The following INO80 variants were observed in gnomAD, a reference collection of about 807,000 sequenced individuals.
The protein encoded by INO80 is chromatin-remodeling ATPase INO80.
Under a neutral mutation model 203.4 loss-of-function variants are expected in INO80, and 20 were observed. The ratio of observed to expected loss-of-function variants is 0.10; its 90% CI spans 0.07 to 0.14. The LOEUF (loss-of-function observed/expected upper bound fraction) is 0.14. Ranked by LOEUF, INO80 falls within the 10% of genes least tolerant of loss-of-function variation. INO80 has a pLI of 1.00. For synonymous variants in INO80, 726 were observed against 685.2 expected (o/e 1.06, Z -0.93); for missense variants, 1,419 against 1,914.4 (o/e 0.74, Z 4.83).
At chr15:41,068,585 CGGT>C (rs973679851) in intron 14 of INO80, among the ~76,000 whole-genome samples, 1 of 150,224 alleles carries the variant, frequency 6.7e-6, no homozygotes, top group Non-Finnish European at 1.5e-5. Context: ...CAGCTGTGTG[CGGT>C]GGCTCATGCC....
chr15:41,035,596 T>G (rs1031238289), intron 24 of INO80, among the ~76,000 whole-genome samples: 1 of 151,100 alleles, frequency 6.6e-6, no homozygotes, highest in South Asian at 2.1e-4. Flanking sequence ...CCGAGGCAGA[T>G]GGATCACGAG....
intron 29 of INO80, among the ~76,000 whole-genome samples, chr15:40,995,441 GA>G (rs1272530888): frequency 1.3e-5 from 2 of 152,178 alleles, no homozygotes; most frequent in Non-Finnish European, 2.9e-5. Context: ...ATAAAATTTG[GA>G]AGGGAAAGTG....
intron 29 of INO80, among the ~76,000 whole-genome samples, chr15:40,994,862 A>ACC (rs2043861286): frequency 6.6e-6 from 1 of 152,158 alleles, no homozygotes; most frequent in Non-Finnish European, 1.5e-5. Flanking sequence ...ATGAATGAAC[A>ACC]AATGAACAAA....
intron 27 of INO80, among the ~76,000 whole-genome samples, chr15:41,010,724 G>A (rs1214687576): frequency 6.6e-6 from 1 of 152,066 alleles, no homozygotes; most frequent in Non-Finnish European, 1.5e-5. Flanking sequence ...AAAAAATAAA[G>A]GCAAATGTTT....
intron 24 of INO80, among the ~76,000 whole-genome samples, chr15:41,031,912 CCACAGCACAGCACAG>C (rs1240339775): frequency 7.8e-6 from 1 of 128,384 alleles, no homozygotes; most frequent in African/African-American, 3.6e-5. Flanking sequence ...ATACTCCTTG[CCACAGCACAGCACAG>C]CACAGCACAG....
intron 1 of INO80, among the ~76,000 whole-genome samples, chr15:41,107,002 A>G (rs2045888950): frequency 6.6e-6 from 1 of 152,174 alleles, no homozygotes; most frequent in Non-Finnish European, 1.5e-5. Flanking sequence ...TAACTTTATC[A>G]ATTAAAGTAT....
chr15:41,061,088 C>T (rs1477230456), intron 14 of INO80, among the ~76,000 whole-genome samples: 1 of 152,264 alleles, frequency 6.6e-6, no homozygotes, highest in East Asian at 1.9e-4. Context: ...TGGCAGATCA[C>T]CTGAGCATGG....
chr15:41,104,724 G>A (rs989496705), intron 1 of INO80, among the ~76,000 whole-genome samples: 2 of 151,868 alleles, frequency 1.3e-5, no homozygotes, highest in African/African-American at 4.8e-5. Flanking sequence ...TATTTTAGTA[G>A]AGACGAGGTT....
At chr15:41,089,485 C>T (rs1251016974) in intron 5 of INO80, among the ~76,000 whole-genome samples, 2 of 152,160 alleles carry the variant, frequency 1.3e-5, no homozygotes, top group South Asian at 2.1e-4. Context: ...GGCGGGGTGG[C>T]TCACCCCTGT....
chr15:40,993,879 G>C (rs1008456247), intron 29 of INO80, among the ~76,000 whole-genome samples: 1 of 152,126 alleles, frequency 6.6e-6, no homozygotes, highest in African/African-American at 2.4e-5. Flanking sequence ...ACTCCTAACT[G>C]ATCTTCCTGT....
Position 41,049,290 on chromosome 15 carries a change from T to C in INO80, c.2573A>G (p.Asp858Gly). ...ACAGATAGTAATACTTCCCTACCTG[T>C]CTCGTGAATGATTGAAGACCCTGAT... ...GQIRVFNHSRDRWLRVLSPFA... is the reference protein window; with the variant it reads ...GQIRVFNHSRGRWLRVLSPFA... Residue 858 changes from aspartate to glycine, a missense_variant, in exon 21 of 36, where the codon GAC (aspartate) becomes GGC (glycine). Transcript: ENST00000648947. The C allele has an allele frequency of 6.2e-7, 1 of 1,611,922 alleles. No homozygotes were observed. Among genetic ancestry groups the C allele is most frequent in the Non-Finnish European group, 8.5e-7 (1 of 1,178,874 alleles).
chr15:41,100,817 T>C (rs2140681499), intron 1 of INO80, among the ~76,000 whole-genome samples: 1 of 151,856 alleles, frequency 6.6e-6, no homozygotes, highest in South Asian at 2.1e-4. Flanking sequence ...ATTACTACCA[T>C]TCACAATTTT....
At chr15:41,113,647 C>G (rs1385793331) in intron 1 of INO80, among the ~76,000 whole-genome samples, 2 of 152,114 alleles carry the variant, frequency 1.3e-5, no homozygotes, top group African/African-American at 2.4e-5. Context: ...GGGTCTCGCT[C>G]TCCACCCAGG....
chr15:41,060,009 A>G, intron 14 of INO80, 83 bp from the exon 15 acceptor site: 1 of 946,232 alleles, frequency 1.1e-6, no homozygotes, highest in Non-Finnish European at 1.6e-6. Flanking sequence ...GGAACAATTT[A>G]AAAAGAAACT....
rs2046031503 is a variant in INO80 at position 41,116,052 on chromosome 15, C to T, written c.-123G>A. 8 of 395,270 alleles carry T rather than the reference C, an allele frequency of 2.0e-5. No homozygotes were observed. The East Asian group carries it at 2.9e-4, about 14-fold the overall frequency. 24.5% of individuals were successfully genotyped at this position (395,270 alleles called of 1,614,324 possible). On this transcript the variant is annotated 5_prime_UTR_variant, in exon 1 of 36. Transcript: ENST00000648947. ...GGCGGGGTCCGGAGGGGGGGGTCGC[C>T]CCGCCGACGGTGGAGCCGCGGTTCG...
Position 41,019,811 on chromosome 15 carries a change from TTAAAA to T in INO80, c.3274+1084_3274+1088del, listed in dbSNP as rs2044262751. 3.9e-5 allele frequency among the ~76,000 whole-genome samples: 6 copies of T among 152,282 alleles called. No homozygotes were observed. The South Asian group carries it at 6.2e-4, about 16-fold the overall frequency. On this transcript the variant is annotated intron_variant, in intron 26 of 35. Coordinates refer to ENST00000648947, the MANE Select transcript of INO80 (RefSeq NM_017553.3). ...GCAAACCCCTTGACACTTGACAAAG[TTAAAA>T]TAAAGTGGAAAAACCAGGCCTTACA...
chr15:41,023,957 C>T (rs748598387), intron 25 of INO80, among the ~76,000 whole-genome samples: 4 of 151,806 alleles, frequency 2.6e-5, no homozygotes, highest in South Asian at 2.1e-4. Context: ...CTCATAGTCT[C>T]GAGATGAAAA....
At chr15:41,047,193 G>A (rs1471968530) in intron 23 of INO80, among the ~76,000 whole-genome samples, 7 of 152,020 alleles carry the variant, frequency 4.6e-5, no homozygotes, top group African/African-American at 1.2e-4. Flanking sequence ...TTGAACTGCC[G>A]ACCTCAGGTG....
intron 24 of INO80, 73 bp from the exon 25 acceptor site, chr15:41,027,809 C>G (rs1596271374): frequency 8.7e-7 from 1 of 1,143,506 alleles, no homozygotes; most frequent in South Asian, 1.6e-5. Context: ...AAAAAAGCCA[C>G]ATATTAAACA....
Sources: allele counts gnomAD v4.1 joint callset (sites outside exome capture counted in the v4.1 genomes callset), GRCh38; gene constraint gnomAD v4.1.1; transcripts MANE v1.5; gene names NCBI Gene and HGNC (gene_info 2026-07-23, HGNC 2026-07-21).